ZFC3H1: variants seen among roughly 807,000 people sequenced by gnomAD.
ZFC3H1 encodes zinc finger C3H1 domain-containing protein.
Under a neutral mutation model 243.7 loss-of-function variants are expected in ZFC3H1, and 71 were observed. The observed-to-expected ratio is 0.29, with a 90% confidence interval of 0.24 to 0.36. The LOEUF is 0.36. ZFC3H1 is among the 10% of genes least tolerant of loss of function. The pLI is 1.00. For synonymous variants in ZFC3H1, 838 were observed against 813.0 expected (o/e 1.03, Z -0.52); for missense variants, 1,966 against 2,317.1 (o/e 0.85, Z 3.11).
intron 1 of ZFC3H1, among the ~76,000 whole-genome samples, chr12:71,658,698 G>C (rs1341553505): frequency 6.6e-6 from 1 of 152,148 alleles, no homozygotes; most frequent in Non-Finnish European, 1.5e-5. Flanking sequence ...AAACTCTCCT[G>C]ATGACCAGTT....
Position 71,644,260 on chromosome 12 carries a change from T to C in ZFC3H1, c.1338A>G (p.Lys446=). ...TKAWKKLQQQ[K]EQERQKEEDQ... is the part of the protein sequence containing the mutation. ...CCTCTTCTTTCTGTCTTTCCTGCTC[T>C]TTTTGTTGTTGTAGTTTCTTCCATG... Residue 446 remains lysine, a synonymous_variant, in exon 5 of 35, where the codon AAA becomes AAG. Transcript: ENST00000378743. 6.2e-7 allele frequency: 1 copy of C among 1,613,284 alleles called. No individual in the cohort carries two copies. Among genetic ancestry groups the C allele is most frequent in the Non-Finnish European group, 8.5e-7 (1 of 1,179,584 alleles).
intron 2 of ZFC3H1, among the ~76,000 whole-genome samples, chr12:71,653,968 G>A (rs188296951): frequency 1.1e-4 from 16 of 152,252 alleles, no homozygotes; most frequent in African/African-American, 3.4e-4. Flanking sequence ...AGCCAAGATA[G>A]TGCCACTGCA....
Position 71,610,273 on chromosome 12 carries a change from G to A in ZFC3H1, c.*155C>T, listed in dbSNP as rs903481945. On this transcript the variant is annotated 3_prime_UTR_variant, in exon 35 of 35. Coordinates refer to ENST00000378743, the MANE Select transcript of ZFC3H1 (RefSeq NM_144982.5). ...GAAGAGGATCATGTTCATTGCTTCC[G>A]GTTTTGAGGACAGGATATTGTAGGG... is the stretch of plus-strand genomic sequence containing the variant. 30 of 875,240 alleles carry A rather than the reference G, an allele frequency of 3.4e-5. No individual in the cohort carries two copies. Among genetic ancestry groups the A allele is most frequent in the Admixed American group, 1.4e-4 (5 of 36,678 alleles). 54.2% of individuals were successfully genotyped at this position (875,240 alleles called of 1,614,324 possible).
intron 3 of ZFC3H1, among the ~76,000 whole-genome samples, chr12:71,646,665 T>A (rs1446910309): frequency 2.6e-5 from 4 of 152,242 alleles, no homozygotes; most frequent in African/African-American, 7.2e-5. Context: ...TTGCCCAGGC[T>A]GGTCTCAAAC....
In ZFC3H1 at chr12:71,626,375, G is replaced by A. The variant is rs1288710697; in HGVS notation, c.4202C>T (p.Pro1401Leu). 6.2e-7 allele frequency: 1 copy of A among 1,613,754 alleles called. No individual in the cohort carries two copies. Among genetic ancestry groups the A allele is most frequent in the African/African-American group, 1.3e-5 (1 of 74,846 alleles). ...TCTGAGGTAATGGCACCAAATTTCT[G>A]GATTGTCTTTGTTATTTTCCAATGC... ...ARALENNKDNPEIWCHYLRLF... is the reference protein window; with the variant it reads ...ARALENNKDNLEIWCHYLRLF... Residue 1401 changes from proline (P) to leucine (L), a missense_variant, in exon 22 of 35, where the codon CCA becomes CTA. By Grantham distance (98) the Pro-to-Leu change is moderately conservative. Transcript: ENST00000378743.
intron 1 of ZFC3H1, among the ~76,000 whole-genome samples, chr12:71,657,825 C>T (rs1881059692): frequency 6.6e-6 from 1 of 151,880 alleles, no homozygotes; most frequent in African/African-American, 2.4e-5. Flanking sequence ...CCCATCTCTA[C>T]TAAAAATTAA....
At position 71,610,814 on chromosome 12, in the gene ZFC3H1, T is replaced by A. The variant is rs1455933703; in HGVS notation, c.5770-57A>T. 1.9e-6 allele frequency: 3 copies of A among 1,540,024 alleles called. No individual in the cohort carries two copies. The African/African-American group carries it at 4.1e-5, about 21-fold the overall frequency. On this transcript the variant is annotated intron_variant, in intron 33 of 34. Transcript: ENST00000378743. ...GAAAATATAATGAAAAACACCTTCA[T>A]AATTCCATCTGTTTAAAGAATGGTA...
At chr12:71,661,884 C>T (rs1486471552) in intron 1 of ZFC3H1, among the ~76,000 whole-genome samples, 1 of 152,216 alleles carries the variant, frequency 6.6e-6, no homozygotes, top group African/African-American at 2.4e-5. Context: ...TGCTGTTTCT[C>T]ACCTAAATGT....
intron 22 of ZFC3H1, 98 bp downstream of exon 22, chr12:71,626,162 T>A (rs1880159247): frequency 7.8e-7 from 1 of 1,274,540 alleles, no homozygotes; most frequent in Non-Finnish European, 1.1e-6. Flanking sequence ...ATAAAGCATA[T>A]GCTCTATTAA....
intron 24 of ZFC3H1, among the ~76,000 whole-genome samples, chr12:71,621,353 G>C (rs1326317271): frequency 6.6e-6 from 1 of 150,840 alleles, no homozygotes; most frequent in East Asian, 1.9e-4. Context: ...GCCCAGGCTG[G>C]AGTGCAGTGG....
intron 3 of ZFC3H1, among the ~76,000 whole-genome samples, chr12:71,647,135 AC>A (rs145033519): frequency 0.018 from 2,746 of 152,332 alleles, 68 homozygotes; most frequent in African/African-American, 0.062. Context: ...ATGCAAAAAA[AC>A]AAACTGAAAT....
At chr12:71,637,863 T>C (rs1405852391) in intron 7 of ZFC3H1, among the ~76,000 whole-genome samples, 1 of 152,204 alleles carries the variant, frequency 6.6e-6, no homozygotes, top group Non-Finnish European at 1.5e-5. Flanking sequence ...TCAAAACTTT[T>C]AATGTGTGAT....
chr12:71,628,057 T>C (rs1880214843), intron 20 of ZFC3H1, 123 bp from the exon 21 acceptor site: 2 of 952,402 alleles, frequency 2.1e-6, no homozygotes, highest in Non-Finnish European at 3.1e-6. Flanking sequence ...TGACATGTAC[T>C]AGCTCACAGC....
chr12:71,662,137 A>G (rs1167960415), intron 1 of ZFC3H1, among the ~76,000 whole-genome samples: 1 of 152,254 alleles, frequency 6.6e-6, no homozygotes, highest in Non-Finnish European at 1.5e-5. Flanking sequence ...ATTATAAAAC[A>G]GGAAACCTTC....
At chr12:71,629,558 C>T (rs766149187) in intron 19 of ZFC3H1, 51 bp downstream of exon 19, 3 of 519,064 alleles carry the variant, frequency 5.8e-6, no homozygotes, top group Admixed American at 3.2e-5. Flanking sequence ...AGATACAGTA[C>T]ACACACACAC....
chr12:71,624,676 G>C (rs1402658806), intron 22 of ZFC3H1, among the ~76,000 whole-genome samples: 1 of 152,130 alleles, frequency 6.6e-6, no homozygotes, highest in East Asian at 1.9e-4. Context: ...TTTGAGAATA[G>C]ATTTGTATTA....
intron 27 of ZFC3H1, among the ~76,000 whole-genome samples, chr12:71,617,128 T>C (rs1337393177): frequency 6.6e-6 from 1 of 152,226 alleles, no homozygotes; most frequent in Non-Finnish European, 1.5e-5. Flanking sequence ...TGCTTAACAA[T>C]TTCTACTCAT....
At chr12:71,624,898 C>G (rs1038611903) in intron 22 of ZFC3H1, among the ~76,000 whole-genome samples, 1 of 152,100 alleles carries the variant, frequency 6.6e-6, no homozygotes, top group Non-Finnish European at 1.5e-5. Flanking sequence ...ACCCAGGAGA[C>G]GGAGGTTGCA....
rs1881258401 is a variant in ZFC3H1 at position 71,663,663 on chromosome 12, C to A, written c.-53G>T. ...TTAGCCCTCCGTCCGGGGATCCGCC[C>A]GACAATTGCCTCGTTTCCCTTCTTT... is the stretch of plus-strand genomic sequence containing the variant. On this transcript the variant is annotated 5_prime_UTR_variant, in exon 1 of 35. Coordinates refer to ENST00000378743, the MANE Select transcript of ZFC3H1 (RefSeq NM_144982.5). 2.6e-6 allele frequency: 4 copies of A among 1,556,972 alleles called. No individual in the cohort carries two copies. The highest frequency in any genetic ancestry group is 1.7e-5 in the Admixed American group (1 of 57,260).
Sources: allele counts gnomAD v4.1 joint callset (sites outside exome capture counted in the v4.1 genomes callset), GRCh38; gene constraint gnomAD v4.1.1; transcripts MANE v1.5; gene names NCBI Gene and HGNC (gene_info 2026-07-23, HGNC 2026-07-21).